Variants in TOGARAM1 observed in about 807,000 individuals in gnomAD.
The protein encoded by TOGARAM1 is TOG array regulator of axonemal microtubules protein 1.
In TOGARAM1, 100 loss-of-function variants were observed where a neutral mutation model predicts 166.6. That is an observed-to-expected ratio of 0.60 (90% CI 0.51 to 0.71). TOGARAM1 has a LOEUF of 0.71. Ranked by LOEUF, TOGARAM1 falls within the 30% of genes least tolerant of loss-of-function variation. TOGARAM1 has a pLI of 0.00. For synonymous variants in TOGARAM1, 758 were observed against 763.8 expected (o/e 0.99, Z 0.13); for missense variants, 2,029 against 2,102.7 (o/e 0.96, Z 0.69).
intron 7 of TOGARAM1, among the ~76,000 whole-genome samples, chr14:45,012,476 T>C (rs886532349): frequency 6.6e-5 from 10 of 152,222 alleles, no homozygotes; most frequent in African/African-American, 2.4e-4. Flanking sequence ...TATTAACTGT[T>C]AATAGTAGTT....
intron 14 of TOGARAM1, among the ~76,000 whole-genome samples, chr14:45,051,551 T>A (rs987880798): frequency 1.4e-5 from 2 of 146,336 alleles, no homozygotes; most frequent in Non-Finnish European, 3.0e-5. Flanking sequence ...TCCCAACAGA[T>A]GCTTTTTTTT....
intron 5 of TOGARAM1, chr14:45,007,177 C>T (rs984748129): frequency 3.3e-5 from 5 of 151,966 alleles, no homozygotes; most frequent in Non-Finnish European, 5.9e-5. Flanking sequence ...TGATAATTTG[C>T]TCAATAAAAT....
intron 16 of TOGARAM1, among the ~76,000 whole-genome samples, chr14:45,060,013 T>A (rs1208488473): frequency 1.3e-5 from 2 of 149,986 alleles, no homozygotes; most frequent in African/African-American, 4.9e-5. Context: ...CCCAGGTTCA[T>A]GCCATTCGCC....
chr14:44,998,107 A>G (rs796830391), intron 2 of TOGARAM1, among the ~76,000 whole-genome samples: 1 of 152,350 alleles, frequency 6.6e-6, no homozygotes, highest in African/African-American at 2.4e-5. Context: ...GTGAAATTCT[A>G]TAGTATTTTC....
rs187289563 is a variant in TOGARAM1 at position 45,044,305 on chromosome 14, C to T, written c.3919-330C>T. ...GATTATAGGTGTAAGCCACCACGCC[C>T]GGTTTAAGATACGTTACTTGAAGCC... On this transcript the variant is annotated intron_variant, in intron 12 of 19. Transcript: ENST00000361462. Among the ~76,000 whole-genome samples the T allele has an allele frequency of 5.2e-3, 784 of 152,180 alleles. 28 individuals carry two copies. Among genetic ancestry groups the T allele is most frequent in the Admixed American group, 0.043 (662 of 15,266 alleles).
intron 5 of TOGARAM1, 100 bp downstream of exon 5, chr14:45,006,367 C>CT: frequency 1.2e-6 from 1 of 817,532 alleles, no homozygotes; most frequent in Non-Finnish European, 1.8e-6. Context: ...CCTATAATAT[C>CT]TTATTTCTAA....
chr14:45,005,880 T>C, intron 4 of TOGARAM1, 128 bp from the exon 5 acceptor site: 1 of 649,876 alleles, frequency 1.5e-6, no homozygotes, highest in Non-Finnish European at 2.4e-6. Context: ...TTCAGCTTGT[T>C]CTCCCCAGTG....
At chr14:45,030,606 C>CA (rs1038226338) in intron 10 of TOGARAM1, among the ~76,000 whole-genome samples, 3 of 150,844 alleles carry the variant, frequency 2.0e-5, no homozygotes, top group Non-Finnish European at 4.4e-5. Flanking sequence ...TCTGAACCAT[C>CA]AAAAAAAAGT....
At chr14:44,979,300 A>G (rs1439388069) in intron 1 of TOGARAM1, among the ~76,000 whole-genome samples, 1 of 152,194 alleles carries the variant, frequency 6.6e-6, no homozygotes, top group Non-Finnish European at 1.5e-5. Context: ...GGGGACTGGG[A>G]AATCCAAGAT....
intron 5 of TOGARAM1, chr14:45,007,356 A>G (rs969938580): frequency 3.3e-5 from 5 of 150,510 alleles, no homozygotes; most frequent in Middle Eastern, 3.2e-3. Flanking sequence ...TTTGTATTTT[A>G]CTAGTGCTAG....
At chr14:45,069,387 A>G (rs891546186) in intron 18 of TOGARAM1, among the ~76,000 whole-genome samples, 1 of 135,344 alleles carries the variant, frequency 7.4e-6, no homozygotes, top group Admixed American at 7.2e-5. Context: ...TTAAAAAATT[A>G]AAAAAAAATA....
At chr14:45,027,608 C>T (rs1008371583) in intron 9 of TOGARAM1, 134 bp downstream of exon 9, 5 of 680,134 alleles carry the variant, frequency 7.4e-6, no homozygotes, top group Non-Finnish European at 1.1e-5. Context: ...AATTTTGAGC[C>T]TTGGCAATGT....
intron 1 of TOGARAM1, among the ~76,000 whole-genome samples, chr14:44,987,207 G>C (rs1283001213): frequency 6.6e-6 from 1 of 151,568 alleles, no homozygotes; most frequent in Admixed American, 6.6e-5. Flanking sequence ...CCAAAGTGCT[G>C]GGATTACAAG....
At position 45,025,803 on chromosome 14, in the gene TOGARAM1, C is replaced by A. The variant is rs1880804400; in HGVS notation, c.3259C>A (p.Gln1087Lys). Reference protein sequence around the residue: ...PSAGSSSNPQQISSFDFTTTK... With the variant: ...PSAGSSSNPQKISSFDFTTTK... ...TACAGGGTCATCATCAAATCCACAG[C>A]AAATTTCCAGTTTTGACTTCACAAC... is the stretch of plus-strand genomic sequence containing the variant. Residue 1087 changes from glutamine (Q) to lysine (K), a missense_variant, in exon 8 of 20, where the codon CAA becomes AAA. Physicochemically the swap from Gln to Lys is moderately conservative, Grantham distance 53. Transcript: ENST00000361462. The A allele has an allele frequency of 1.2e-6, 2 of 1,607,140 alleles. No homozygotes were observed.
chr14:45,041,399 T>TCAAAA (rs1033893492), intron 11 of TOGARAM1, among the ~76,000 whole-genome samples: 2 of 152,174 alleles, frequency 1.3e-5, no homozygotes, highest in African/African-American at 4.8e-5. Context: ...AGACTCCCTC[T>TCAAAA]CAAAACAAAA....
intron 11 of TOGARAM1, among the ~76,000 whole-genome samples, chr14:45,034,183 A>C (rs576928078): frequency 2.6e-4 from 39 of 152,256 alleles, no homozygotes; most frequent in Middle Eastern, 3.4e-3. Flanking sequence ...CAACAAAAAA[A>C]CAATAGTTTT....
intron 2 of TOGARAM1, chr14:44,996,517 T>A (rs1362506721): frequency 6.6e-6 from 1 of 152,218 alleles, no homozygotes; most frequent in Non-Finnish European, 1.5e-5. Flanking sequence ...CCTAGTGGAC[T>A]TATAAGTGAA....
rs2138697084 is a variant in TOGARAM1 at position 44,962,883 on chromosome 14, C to T, written c.462C>T (p.Leu154=). 6.2e-7 allele frequency: 1 copy of T among 1,614,056 alleles called. No individual in the cohort carries two copies. Among genetic ancestry groups the T allele is most frequent in the African/African-American group, 1.3e-5 (1 of 75,060 alleles). The stretch of plus-strand genomic sequence containing the variant: ...AAGGAGGTAGTGATGAGAAGCGGCT[C>T]TGCTTGCAACTTCTCTCGGACGTTC... ...LVEGGSDEKR[L]CLQLLSDVLR... is the part of the protein sequence containing the mutation. Residue 154 remains leucine, a synonymous_variant, in exon 1 of 20, where the codon CTC becomes CTT. Transcript: ENST00000361462.
In TOGARAM1 at chr14:44,962,652, A is replaced by G. The variant is rs1373885665; in HGVS notation, c.231A>G (p.Ala77=). The change falls in exon 1 of 20, where the codon GCA becomes GCG. Residue 77 remains alanine (A), a synonymous_variant. Transcript: ENST00000361462. ...CGGCCCTCTTGATGCCCTCGGAGGC[A>G]GTCTCAAGCAGCTGGTCTGAGTCTG... ...LASALLMPSE[A]VSSSWSESGG... The G allele has an allele frequency of 5.0e-6, 8 of 1,614,030 alleles. No individual in the cohort carries two copies. In the Admixed American group the frequency reaches 5.0e-5, roughly 10 times the overall value.
Sources: gnomAD v4.1 joint callset for allele counts (sites outside exome capture counted in the v4.1 genomes callset) on GRCh38, gnomAD v4.1.1 for gene constraint, MANE v1.5 for transcripts, NCBI Gene and HGNC (gene_info 2026-07-23, HGNC 2026-07-21) for gene names.